TRPC4: variants seen among roughly 807,000 people sequenced by gnomAD.
TRPC4 encodes the protein transient receptor potential cation channel subfamily C member 4.
Under a neutral mutation model 99.4 loss-of-function variants are expected in TRPC4, and 49 were observed. The observed-to-expected ratio is 0.49, with a 90% confidence interval of 0.39 to 0.63. The LOEUF (loss-of-function observed/expected upper bound fraction) is 0.63, where lower values mean the gene tolerates loss of function less well. Among genes scored for constraint, TRPC4 ranks in the 20% least tolerant of loss-of-function variants. The pLI is 0.00. For synonymous variants in TRPC4, 454 were observed against 425.9 expected (o/e 1.07, Z -0.81); for missense variants, 898 against 1,152.9 (o/e 0.78, Z 3.20).
intron 3 of TRPC4, among the ~76,000 whole-genome samples, chr13:37,709,201 G>T (rs1446924840): frequency 1.1e-4 from 16 of 151,886 alleles, no homozygotes; most frequent in Admixed American, 4.6e-4. Flanking sequence ...TTTAGACTGA[G>T]AATATGTTTT....
chr13:37,668,526 G>A (rs1952726861), intron 5 of TRPC4, among the ~76,000 whole-genome samples: 1 of 152,144 alleles, frequency 6.6e-6, no homozygotes, highest in Non-Finnish European at 1.5e-5. Flanking sequence ...CAGAGGATTT[G>A]GGAACAGTGA....
At chr13:37,649,156 T>C (rs540521078) in intron 8 of TRPC4, among the ~76,000 whole-genome samples, 1 of 152,272 alleles carries the variant, frequency 6.6e-6, no homozygotes, top group South Asian at 2.1e-4. Context: ...AGGATAAGTA[T>C]ATTTGATCTG....
chr13:37,818,976 G>A (rs890763732), intron 1 of TRPC4, among the ~76,000 whole-genome samples: 5 of 151,402 alleles, frequency 3.3e-5, no homozygotes, highest in African/African-American at 7.3e-5. Flanking sequence ...TGGCCAACAA[G>A]CATATGAAAA....
intron 5 of TRPC4, among the ~76,000 whole-genome samples, chr13:37,667,690 A>G (rs1218669169): frequency 6.6e-6 from 1 of 152,162 alleles, no homozygotes; most frequent in Non-Finnish European, 1.5e-5. Flanking sequence ...TGTCCTTGAG[A>G]TGACCTTCTG....
chr13:37,840,825 C>T (rs1593297738), intron 1 of TRPC4, among the ~76,000 whole-genome samples: 1 of 151,936 alleles, frequency 6.6e-6, no homozygotes, highest in South Asian at 2.1e-4. Flanking sequence ...CATCGGAAAA[C>T]AATAAATTTT....
At chr13:37,706,451 AGGTT>A (rs1954280752) in intron 3 of TRPC4, among the ~76,000 whole-genome samples, 1 of 152,136 alleles carries the variant, frequency 6.6e-6, no homozygotes, top group Admixed American at 6.6e-5. Flanking sequence ...GCCTCAGTCC[AGGTT>A]AGAAGTCAGT....
intron 1 of TRPC4, among the ~76,000 whole-genome samples, chr13:37,827,324 A>C (rs61955680): frequency 2.6e-5 from 4 of 152,144 alleles, no homozygotes; most frequent in African/African-American, 7.2e-5. Context: ...GAGGAACTGC[A>C]TTCCTTTCGA....
In TRPC4 at chr13:37,649,731, C is replaced by CAAAAAAAAAAAAA. The variant is rs775364702; in HGVS notation, c.2079+1521_2079+1533dup. 3.0e-4 allele frequency among the ~76,000 whole-genome samples: 19 copies of CAAAAAAAAAAAAA among 62,706 alleles called. 1 individual carries two copies. The East Asian group carries it at 3.8e-3, about 13-fold the overall frequency. 41.1% of individuals were successfully genotyped at this position (62,706 alleles called of 152,430 possible). On this transcript the variant is annotated intron_variant, in intron 8 of 10. Coordinates refer to ENST00000379705, the MANE Select transcript of TRPC4 (RefSeq NM_016179.4). Reference sequence around the variant, plus strand: ...TGGGCAACTGAGCGAGACTCCGTCTCAAAAAAAAAAAAAAAAAAAAAAAAA... The same window carrying CAAAAAAAAAAAAA: ...TGGGCAACTGAGCGAGACTCCGTCTCAAAAAAAAAAAAAAAAAAAAAAAAAAAAAAAAAAAAAA...
intron 6 of TRPC4, among the ~76,000 whole-genome samples, chr13:37,661,324 G>T (rs763846071): frequency 2.0e-5 from 3 of 152,110 alleles, no homozygotes; most frequent in Non-Finnish European, 4.4e-5. Flanking sequence ...TACTTACAAA[G>T]AAACCAATAT....
chr13:37,802,571 A>G (rs917041398), intron 1 of TRPC4, among the ~76,000 whole-genome samples: 1 of 152,074 alleles, frequency 6.6e-6, no homozygotes, highest in African/African-American at 2.4e-5. Context: ...GTATTGCTGC[A>G]TGATACCAAC....
At chr13:37,766,788 C>T (rs1010306553) in intron 2 of TRPC4, among the ~76,000 whole-genome samples, 1 of 151,422 alleles carries the variant, frequency 6.6e-6, no homozygotes, top group African/African-American at 2.4e-5. Flanking sequence ...TCGCTAGCTT[C>T]ACTTTTAGAG....
In TRPC4 at chr13:37,746,604, C is replaced by A. The variant is rs1286907324; in HGVS notation, c.379-149G>T. On this transcript the variant is annotated intron_variant, in intron 2 of 10. Coordinates refer to ENST00000379705, the MANE Select transcript of TRPC4 (RefSeq NM_016179.4). ...TTGTAGGAGAGATATGGTCTTTTCC[C>A]CTACAAAAAGACCAGACAAAATTGG... The A allele has an allele frequency of 3.7e-6, 3 of 816,746 alleles. No individual in the cohort carries two copies. The African/African-American group carries it at 5.4e-5, about 15-fold the overall frequency. 50.6% of individuals were successfully genotyped at this position (816,746 alleles called of 1,614,324 possible).
chr13:37,761,189 A>C (rs949767777), intron 2 of TRPC4, among the ~76,000 whole-genome samples: 1 of 151,966 alleles, frequency 6.6e-6, no homozygotes, highest in African/African-American at 2.4e-5. Flanking sequence ...TGTATGAAAC[A>C]CTTGCCATGT....
chr13:37,787,878 G>A (rs1490590402), intron 1 of TRPC4, among the ~76,000 whole-genome samples: 1 of 152,002 alleles, frequency 6.6e-6, no homozygotes, highest in African/African-American at 2.4e-5. Context: ...AAAAAACTAA[G>A]CGCTATCTCC....
At chr13:37,856,930 C>G (rs1434142496) in intron 1 of TRPC4, among the ~76,000 whole-genome samples, 1 of 151,492 alleles carries the variant, frequency 6.6e-6, no homozygotes, top group East Asian at 1.9e-4. Context: ...AAACCCACAT[C>G]TAGTATCATA....
At chr13:37,663,064 A>G (rs1952503541) in intron 6 of TRPC4, among the ~76,000 whole-genome samples, 1 of 152,178 alleles carries the variant, frequency 6.6e-6, no homozygotes, top group Non-Finnish European at 1.5e-5. Flanking sequence ...TTCCAACATG[A>G]GTGGTTTTAC....
In TRPC4 at chr13:37,658,686, G is replaced by A. The variant is rs531382540; in HGVS notation, c.1689-3403C>T. ...CTCTTCATAAGAAAGTACCTTACCA[G>A]GGGCTAATAGCTTAAAATTGCACAT... On this transcript the variant is annotated intron_variant, in intron 6 of 10. Coordinates refer to ENST00000379705, the MANE Select transcript of TRPC4 (RefSeq NM_016179.4). Among the ~76,000 whole-genome samples the A allele has an allele frequency of 1.4e-4, 21 of 152,240 alleles. No individual in the cohort carries two copies. In the South Asian group the frequency reaches 2.9e-3, roughly 21 times the overall value.
chr13:37,730,696 A>G (rs1231545543), intron 3 of TRPC4, among the ~76,000 whole-genome samples: 1 of 152,048 alleles, frequency 6.6e-6, no homozygotes, highest in African/African-American at 2.4e-5. Context: ...CCAAGATATT[A>G]AAATAAACGC....
chr13:37,641,525 A>G (rs1951714041), intron 8 of TRPC4, among the ~76,000 whole-genome samples: 1 of 152,204 alleles, frequency 6.6e-6, no homozygotes, highest in Non-Finnish European at 1.5e-5. Context: ...CTAAAACTCA[A>G]AATGAATGCA....
Sources: allele counts gnomAD v4.1 joint callset (sites outside exome capture counted in the v4.1 genomes callset), GRCh38; gene constraint gnomAD v4.1.1; transcripts MANE v1.5; gene names NCBI Gene and HGNC (gene_info 2026-07-23, HGNC 2026-07-21).